Variants in EGFLAM observed in about 807,000 individuals in gnomAD.
EGFLAM encodes the protein pikachurin.
A neutral mutation model predicts 113.1 loss-of-function variants in EGFLAM; 79 were observed. That is an observed-to-expected ratio of 0.70 (90% CI 0.58 to 0.84). The LOEUF (loss-of-function observed/expected upper bound fraction) is 0.84. EGFLAM is among the 40% of genes least tolerant of loss of function. The pLI is 0.00. For synonymous variants in EGFLAM, 504 were observed against 487.6 expected (o/e 1.03, Z -0.44); for missense variants, 1,265 against 1,291.6 (o/e 0.98, Z 0.32).
intron 6 of EGFLAM, among the ~76,000 whole-genome samples, chr5:38,400,174 T>C (rs1339335900): frequency 6.6e-6 from 1 of 152,188 alleles, no homozygotes; most frequent in Non-Finnish European, 1.5e-5. Context: ...CTCCCAATTA[T>C]TTGGATTGTA....
At chr5:38,334,514 T>C (rs1009423368) in intron 1 of EGFLAM, among the ~76,000 whole-genome samples, 1 of 152,132 alleles carries the variant, frequency 6.6e-6, no homozygotes, top group East Asian at 1.9e-4. Flanking sequence ...CATGACTTAA[T>C]CACCTCCCAA....
rs774613463 is a variant in EGFLAM at position 38,406,154 on chromosome 5, T to C, written c.741T>C (p.Tyr247=). 2 of 1,614,184 alleles carry C rather than the reference T, an allele frequency of 1.2e-6. No homozygotes were observed. The highest frequency in any genetic ancestry group is 2.2e-5 in the South Asian group (2 of 91,080). ...LCPEEAGSGR[Y]GPRYITDMGA... ...CTGAGGAGGCGGGAAGTGGCCGCTA[T>C]GGACCCCGTTATATCACCGACATGG... Residue 247 remains tyrosine (Y), a synonymous_variant, in exon 7 of 22, where the codon TAT becomes TAC. Coordinates refer to ENST00000322350, the MANE Select transcript of EGFLAM (RefSeq NM_152403.4).
intron 10 of EGFLAM, among the ~76,000 whole-genome samples, chr5:38,409,531 G>T (rs142503100): frequency 1.3e-5 from 2 of 152,328 alleles, no homozygotes; most frequent in African/African-American, 4.8e-5. Context: ...ACTGTTGGAT[G>T]TAACTGGTGC....
At chr5:38,312,281 G>A (rs963243176) in intron 1 of EGFLAM, among the ~76,000 whole-genome samples, 7 of 147,892 alleles carry the variant, frequency 4.7e-5, no homozygotes, top group Admixed American at 4.0e-4. Flanking sequence ...TCGCTCTGTC[G>A]CCCAGGCTGG....
chr5:38,415,491 TG>T (rs1222600495), intron 11 of EGFLAM, among the ~76,000 whole-genome samples: 1 of 152,024 alleles, frequency 6.6e-6, no homozygotes, highest in Non-Finnish European at 1.5e-5. Flanking sequence ...CTAGGCAACA[TG>T]GTGAAGCCCC....
intron 1 of EGFLAM, among the ~76,000 whole-genome samples, chr5:38,327,441 T>C (rs1304509092): frequency 1.3e-5 from 2 of 152,244 alleles, no homozygotes; most frequent in Non-Finnish European, 2.9e-5. Context: ...AAAATTGTCC[T>C]TCATCTCTGC....
At chr5:38,462,310 G>A (rs969827358) in intron 20 of EGFLAM, among the ~76,000 whole-genome samples, 3 of 152,120 alleles carry the variant, frequency 2.0e-5, no homozygotes, top group Non-Finnish European at 4.4e-5. Flanking sequence ...CTCGCCACAA[G>A]CTCTCCTCCC....
chr5:38,379,761 CA>C (rs1419485590), intron 6 of EGFLAM, among the ~76,000 whole-genome samples: 1 of 150,196 alleles, frequency 6.7e-6, no homozygotes, highest in Non-Finnish European at 1.5e-5. Context: ...CTGCAAGTCA[CA>C]AGCTCTGATA....
chr5:38,462,658 TGTG>T (rs903491549), intron 20 of EGFLAM: 35 of 425,892 alleles, frequency 8.2e-5, no homozygotes, highest in African/African-American at 6.8e-4. Flanking sequence ...ACAGCACCCT[TGTG>T]GTCTTCGCCG....
intron 19 of EGFLAM, among the ~76,000 whole-genome samples, chr5:38,456,338 C>T (rs1272504323): frequency 2.6e-5 from 4 of 152,250 alleles, no homozygotes; most frequent in South Asian, 2.1e-4. Flanking sequence ...TCTGAGTGTC[C>T]GTGCTCTTTC....
At chr5:38,425,182 T>G in intron 13 of EGFLAM, 90 bp downstream of exon 13, 1 of 1,502,362 alleles carries the variant, frequency 6.7e-7, no homozygotes, top group Non-Finnish European at 8.9e-7. Flanking sequence ...TTTGTTAATT[T>G]GTTTGTTTGT....
At chr5:38,457,848 A>T (rs1743139698) in intron 19 of EGFLAM, among the ~76,000 whole-genome samples, 1 of 152,128 alleles carries the variant, frequency 6.6e-6, no homozygotes, top group South Asian at 2.1e-4. Flanking sequence ...AGTCACAGTC[A>T]CAAAAAAGAC....
At chr5:38,391,055 ACTT>A (rs1688050548) in intron 6 of EGFLAM, among the ~76,000 whole-genome samples, 1 of 152,094 alleles carries the variant, frequency 6.6e-6, no homozygotes, top group Admixed American at 6.5e-5. Flanking sequence ...GCTAAAAACA[ACTT>A]CTTTTTTCCA....
At chr5:38,405,405 T>C (rs1741252116) in intron 6 of EGFLAM, among the ~76,000 whole-genome samples, 1 of 152,102 alleles carries the variant, frequency 6.6e-6, no homozygotes, top group South Asian at 2.1e-4. Flanking sequence ...TTTTGTTTGC[T>C]GTTGTCTTTT....
At chr5:38,317,648 T>C (rs1008459772) in intron 1 of EGFLAM, among the ~76,000 whole-genome samples, 2 of 152,250 alleles carry the variant, frequency 1.3e-5, no homozygotes, top group African/African-American at 4.8e-5. Flanking sequence ...AAAATGATTA[T>C]TGATCTCTAT....
chr5:38,313,709 G>C (rs13177214), intron 1 of EGFLAM, among the ~76,000 whole-genome samples: 1 of 151,986 alleles, frequency 6.6e-6, no homozygotes, highest in Non-Finnish European at 1.5e-5. Flanking sequence ...GGCCCTCAGG[G>C]TTGCAATAAG....
rs1280346615 is a variant in EGFLAM at position 38,438,468 on chromosome 5, G to T, written c.2464+13G>T. On this transcript the variant is annotated intron_variant, in intron 17 of 21. Coordinates refer to ENST00000322350, the MANE Select transcript of EGFLAM (RefSeq NM_152403.4). ...CACTGCCAGAAAGGTACGCTCAGGG[G>T]TCTGAGGCACAGCTCCCTGGAGGGA... The T allele has an allele frequency of 1.9e-6, 3 of 1,586,858 alleles. No homozygotes were observed. The highest frequency in any genetic ancestry group is 2.6e-6 in the Non-Finnish European group (3 of 1,163,958).
intron 5 of EGFLAM, among the ~76,000 whole-genome samples, chr5:38,360,214 G>C (rs1269880807): frequency 6.6e-6 from 1 of 152,210 alleles, no homozygotes; most frequent in African/African-American, 2.4e-5. Context: ...ACTGTTCTAA[G>C]AGATGATGTG....
chr5:38,367,950 T>A (rs1045967212), intron 5 of EGFLAM, among the ~76,000 whole-genome samples: 1 of 152,258 alleles, frequency 6.6e-6, no homozygotes, highest in Non-Finnish European at 1.5e-5. Flanking sequence ...TCTTGTTTGC[T>A]GGAAATAAGA....
Sources: allele counts gnomAD v4.1 joint callset (sites outside exome capture counted in the v4.1 genomes callset), GRCh38; gene constraint gnomAD v4.1.1; transcripts MANE v1.5; gene names NCBI Gene and HGNC (gene_info 2026-07-23, HGNC 2026-07-21).